Variants in LINGO2 observed in about 807,000 individuals in gnomAD.
The protein encoded by LINGO2 is leucine rich repeat and Ig domain containing 2, also known as leucine-rich repeat and immunoglobulin-like domain-containing nogo receptor-interacting protein 2.
In LINGO2, 14 loss-of-function variants were observed where a neutral mutation model predicts 30.6. The observed-to-expected ratio is 0.46, with a 90% confidence interval of 0.30 to 0.72. The LOEUF (loss-of-function observed/expected upper bound fraction) is 0.72. Among genes scored for constraint, LINGO2 ranks in the 30% least tolerant of loss-of-function variants. The pLI is 0.07. For synonymous variants in LINGO2, 317 were observed against 288.5 expected, an observed-to-expected ratio of 1.10 and a Z score of -1.00; for missense variants, 729 against 751.7, an observed-to-expected ratio of 0.97 and a Z score of 0.35.
the LINGO2 span, among the ~76,000 whole-genome samples, chr9:28,872,934 G>A: frequency 6.6e-6 from 1 of 152,110 alleles, no homozygotes. Flanking sequence ...TCTTCTACCT[G>A]AGGATTAGGA....
At chr9:28,144,420 G>A (rs754019559) in intron 4 of LINGO2, among the ~76,000 whole-genome samples, 33 of 152,258 alleles carry the variant, frequency 2.2e-4, no homozygotes, top group Non-Finnish European at 4.1e-4. Flanking sequence ...AAAGGCCTGT[G>A]AATAGGAAGT....
chr9:28,769,498 ATATATATATATATATATATATTTT>A, the LINGO2 span, among the ~76,000 whole-genome samples: 1 of 8,510 alleles, frequency 1.2e-4, no homozygotes, highest in African/African-American at 6.3e-4. Flanking sequence ...ATATATATAT[ATATATATATATATATATATATTTT>A]TTTTTTTTTT....
chr9:28,641,836 C>T (rs779431961), intron 1 of LINGO2, among the ~76,000 whole-genome samples: 8 of 152,088 alleles, frequency 5.3e-5, no homozygotes, highest in African/African-American at 1.2e-4. Flanking sequence ...TTTTTACCAG[C>T]GTTCCATTAA....
At chr9:28,506,060 A>C (rs1286585639) in intron 1 of LINGO2, among the ~76,000 whole-genome samples, 2 of 151,834 alleles carry the variant, frequency 1.3e-5, no homozygotes, top group South Asian at 4.1e-4. Context: ...TAATAACAAT[A>C]TAATATGAGT....
the LINGO2 span, among the ~76,000 whole-genome samples, chr9:29,003,403 C>A: frequency 6.6e-6 from 1 of 151,772 alleles, no homozygotes; most frequent in African/African-American, 2.4e-5. Context: ...CCCACAGGAA[C>A]CAGGAATTTC....
At chr9:28,172,036 A>AAAC (rs777613754) in intron 4 of LINGO2, among the ~76,000 whole-genome samples, 1,400 of 113,356 alleles carry the variant, frequency 0.012, 36 homozygotes, top group Non-Finnish European at 0.019. Context: ...AAAAAAAACA[A>AAAC]AAAAAAAAAC....
At chr9:28,226,573 AAAAG>A (rs947657121) in intron 4 of LINGO2, among the ~76,000 whole-genome samples, 4 of 151,516 alleles carry the variant, frequency 2.6e-5, no homozygotes, top group South Asian at 2.1e-4. Context: ...GGTCGGAAGA[AAAAG>A]AGAGAGAGAA....
rs559501934 is a variant in LINGO2 at position 28,230,597 on chromosome 9, C to T, written c.-87+64611G>A. ...TAAAGACAGAGTCTTGCTCTATCAC[C>T]AAGTCTACAGTTTTTATTATTATTA... On this transcript the variant is annotated intron_variant, in intron 4 of 5. Transcript: ENST00000379992. Among the ~76,000 whole-genome samples, 13 of 147,384 alleles carry T rather than the reference C, an allele frequency of 8.8e-5. No individual in the cohort carries two copies. The South Asian group carries it at 2.6e-3, about 30-fold the overall frequency.
At chr9:27,968,265 A>G (rs1162990494) in intron 5 of LINGO2, among the ~76,000 whole-genome samples, 1 of 152,116 alleles carries the variant, frequency 6.6e-6, no homozygotes, top group Non-Finnish European at 1.5e-5. Context: ...GCAAAGATGC[A>G]CTTTATTACA....
At chr9:28,024,138 C>G (rs1361283996) in intron 4 of LINGO2, among the ~76,000 whole-genome samples, 1 of 152,180 alleles carries the variant, frequency 6.6e-6, no homozygotes, top group Non-Finnish European at 1.5e-5. Context: ...CCTGTGGGAA[C>G]TGCAACTGGA....
intron 3 of LINGO2, among the ~76,000 whole-genome samples, chr9:28,370,713 AAATGAAAGACCTTCCT>A (rs1820860770): frequency 6.6e-6 from 1 of 152,154 alleles, no homozygotes; most frequent in Non-Finnish European, 1.5e-5. Context: ...TTTCTATTCC[AAATGAAAGACCTTCCT>A]ATCCTCCATA....
chr9:28,637,923 G>A (rs1354280761), intron 1 of LINGO2, among the ~76,000 whole-genome samples: 1 of 152,112 alleles, frequency 6.6e-6, no homozygotes, highest in Non-Finnish European at 1.5e-5. Flanking sequence ...AATGTTTCCA[G>A]TTTTTGCCCA....
chr9:28,313,964 C>T (rs149656038), intron 3 of LINGO2, among the ~76,000 whole-genome samples: 4,739 of 151,918 alleles, frequency 0.031, 143 homozygotes, highest in South Asian at 0.094. Context: ...GATGGAGTCT[C>T]GCTCTTTCAC....
intron 4 of LINGO2, among the ~76,000 whole-genome samples, chr9:28,098,648 G>A (rs555974206): frequency 1.3e-5 from 2 of 152,110 alleles, no homozygotes; most frequent in African/African-American, 4.8e-5. Flanking sequence ...ACTGGCCAAG[G>A]CACATGTGAA....
At chr9:29,041,790 A>T in the LINGO2 span, among the ~76,000 whole-genome samples, 1 of 152,034 alleles carries the variant, frequency 6.6e-6, no homozygotes, top group Non-Finnish European at 1.5e-5. Flanking sequence ...AAATGAAAAC[A>T]TTGATAAGTA....
chr9:28,450,962 TCCTTTCCTTC>T (rs1452741528), intron 2 of LINGO2, among the ~76,000 whole-genome samples: 1 of 151,968 alleles, frequency 6.6e-6, no homozygotes, highest in Non-Finnish European at 1.5e-5. Context: ...TGAGCCTGAG[TCCTTTCCTTC>T]ATTTTGAATA....
the LINGO2 span, among the ~76,000 whole-genome samples, chr9:28,910,802 C>T: frequency 1.3e-5 from 2 of 151,794 alleles, no homozygotes; most frequent in Admixed American, 1.3e-4. Context: ...TTATTTATAG[C>T]AGTATGAGAA....
chr9:28,189,737 A>G (rs1223899361), intron 4 of LINGO2, among the ~76,000 whole-genome samples: 2 of 151,212 alleles, frequency 1.3e-5, no homozygotes, highest in Admixed American at 1.3e-4. Context: ...GGTTCAAAAG[A>G]TGATGAAAAG....
the LINGO2 span, among the ~76,000 whole-genome samples, chr9:29,141,209 T>TA: frequency 5.9e-5 from 9 of 152,006 alleles, no homozygotes; most frequent in Non-Finnish European, 1.0e-4. Flanking sequence ...GACAGAAGTA[T>TA]AAAAAAACTA....
Sources: gnomAD v4.1 joint callset for allele counts (sites outside exome capture counted in the v4.1 genomes callset) on GRCh38, gnomAD v4.1.1 for gene constraint, MANE v1.5 for transcripts, NCBI Gene and HGNC (gene_info 2026-07-23, HGNC 2026-07-21) for gene names.